Variants in CTNNA2 observed in about 807,000 individuals in gnomAD.
CTNNA2 encodes the protein catenin alpha 2.
In CTNNA2, 42 loss-of-function variants were observed where a neutral mutation model predicts 101.0. That is an observed-to-expected ratio of 0.42 (90% CI 0.32 to 0.54). The LOEUF (loss-of-function observed/expected upper bound fraction) is 0.54. Among genes scored for constraint, CTNNA2 ranks in the 20% least tolerant of loss-of-function variants. The pLI, the probability that CTNNA2 is intolerant of heterozygous loss-of-function variation, is 0.14. For missense variants in CTNNA2, 871 were observed against 1,223.1 expected (o/e 0.71, Z 4.29); for synonymous variants, 450 against 456.4 (o/e 0.99, Z 0.18).
intron 8 of CTNNA2, among the ~76,000 whole-genome samples, chr2:80,418,632 T>G (rs957053756): frequency 3.9e-5 from 6 of 152,226 alleles, no homozygotes; most frequent in African/African-American, 1.4e-4. Flanking sequence ...ACTTGAATGC[T>G]CCTGGATAGG....
At chr2:80,086,419 A>G (rs1005363041) in intron 7 of CTNNA2, among the ~76,000 whole-genome samples, 12 of 152,066 alleles carry the variant, frequency 7.9e-5, no homozygotes, top group Non-Finnish European at 1.3e-4. Flanking sequence ...AACTAATGAG[A>G]TGGTAAACTG....
chr2:80,205,650 T>C (rs538928697), intron 7 of CTNNA2, among the ~76,000 whole-genome samples: 1 of 152,336 alleles, frequency 6.6e-6, no homozygotes, highest in Admixed American at 6.5e-5. Flanking sequence ...TGGATGCTCA[T>C]GAGTTTCTTT....
chr2:79,196,000 G>A (rs1465002482), intron 1 of CTNNA2, among the ~76,000 whole-genome samples: 5 of 152,050 alleles, frequency 3.3e-5, no homozygotes, highest in African/African-American at 1.2e-4. Flanking sequence ...GCAGTGATGC[G>A]ATCTCGGCTC....
intron 4 of CTNNA2, among the ~76,000 whole-genome samples, chr2:79,434,629 T>G (rs1678694080): frequency 6.6e-6 from 1 of 151,928 alleles, no homozygotes; most frequent in Admixed American, 6.6e-5. Flanking sequence ...TGATGCCAAA[T>G]TCAAAAAGGG....
At chr2:79,704,658 A>G (rs972499042) in intron 2 of CTNNA2, among the ~76,000 whole-genome samples, 152 of 151,412 alleles carry the variant, frequency 1.0e-3, no homozygotes, top group African/African-American at 3.3e-3. Flanking sequence ...GACTACAGGC[A>G]CCCGCCACCA....
At chr2:79,652,301 C>T (rs1186661361) in intron 2 of CTNNA2, among the ~76,000 whole-genome samples, 1 of 150,444 alleles carries the variant, frequency 6.6e-6, no homozygotes, top group Non-Finnish European at 1.5e-5. Flanking sequence ...GCTGCTATAA[C>T]AAATTCCTAT....
chr2:80,387,675 C>A (rs1004219853), intron 7 of CTNNA2, among the ~76,000 whole-genome samples: 1 of 152,126 alleles, frequency 6.6e-6, no homozygotes, highest in Non-Finnish European at 1.5e-5. Context: ...AGTATCTGAT[C>A]CTTTAGCAAA....
rs551234715 is a variant in CTNNA2 at position 80,266,028 on chromosome 2, C to T, written c.1057-127183C>T. On this transcript the variant is annotated intron_variant, in intron 7 of 18. Coordinates refer to ENST00000402739, the MANE Select transcript of CTNNA2 (RefSeq NM_001282597.3). ...GTCATATTGGACTCTGTGGTCTTAT[C>T]GAGGCACTAAAAATTGAGGGCTTCA... Among the ~76,000 whole-genome samples the T allele has an allele frequency of 1.8e-4, 27 of 152,202 alleles. No individual in the cohort carries two copies. The East Asian group carries it at 3.9e-3, about 22-fold the overall frequency.
chr2:79,345,888 G>A (rs1179984039), intron 3 of CTNNA2, among the ~76,000 whole-genome samples: 1 of 145,432 alleles, frequency 6.9e-6, no homozygotes, highest in African/African-American at 2.6e-5. Flanking sequence ...TAATACAGAT[G>A]GGGGTCTCAC....
At chr2:79,683,446 C>A (rs1683722770) in intron 2 of CTNNA2, among the ~76,000 whole-genome samples, 1 of 152,172 alleles carries the variant, frequency 6.6e-6, no homozygotes, top group South Asian at 2.1e-4. Context: ...ATTTGAGATA[C>A]CAGCTTGATG....
chr2:80,194,757 C>T (rs368793145), intron 7 of CTNNA2, among the ~76,000 whole-genome samples: 1 of 149,188 alleles, frequency 6.7e-6, no homozygotes, highest in Non-Finnish European at 1.5e-5. Context: ...TAAATTAATT[C>T]TATTAATATA....
chr2:80,316,838 G>A (rs1678173261), intron 7 of CTNNA2, among the ~76,000 whole-genome samples: 1 of 152,132 alleles, frequency 6.6e-6, no homozygotes, highest in South Asian at 2.1e-4. Context: ...TAGGTCTGGG[G>A]ATACAGTGGG....
At chr2:79,756,923 G>T (rs867084394) in intron 3 of CTNNA2, among the ~76,000 whole-genome samples, 10 of 152,280 alleles carry the variant, frequency 6.6e-5, no homozygotes, top group Middle Eastern at 3.4e-3. Context: ...AATACAAACT[G>T]TTGGTGATAT....
intron 4 of CTNNA2, among the ~76,000 whole-genome samples, chr2:79,463,616 A>T (rs1452005301): frequency 3.3e-5 from 5 of 152,166 alleles, no homozygotes; most frequent in Admixed American, 6.5e-5. Context: ...TTGGCTCAAC[A>T]ATGTTGTAGA....
chr2:80,162,998 T>C lies in CTNNA2; in HGVS notation c.1057-230213T>C, dbSNP rs72926645. ...AGGCATGACTACTTCCTGATCTAAA[T>C]TGAATTTTGATAGGCCTTCCATAAA... is the stretch of plus-strand genomic sequence containing the variant. On this transcript the variant is annotated intron_variant, in intron 7 of 18. Transcript: ENST00000402739. The C allele has an allele frequency of 7.2e-4, 1,120 of 1,553,416 alleles. 9 individuals carry two copies. The African/African-American group carries it at 0.014, about 19-fold the overall frequency.
chr2:80,285,558 T>C (rs1674691906), intron 7 of CTNNA2, among the ~76,000 whole-genome samples: 1 of 152,146 alleles, frequency 6.6e-6, no homozygotes, highest in South Asian at 2.1e-4. Context: ...TTCTGGTCTT[T>C]GTACAAGGGT....
chr2:79,651,416 T>G, intron 1 of CTNNA2, 136 bp from the exon 2 acceptor site: 1 of 779,048 alleles, frequency 1.3e-6, no homozygotes, highest in Non-Finnish European at 2.1e-6. Context: ...TTTCCATCTC[T>G]AATTTGACCA....
intron 7 of CTNNA2, among the ~76,000 whole-genome samples, chr2:80,108,006 G>A (rs1281738941): frequency 6.6e-6 from 1 of 152,174 alleles, no homozygotes; most frequent in East Asian, 1.9e-4. Context: ...CACCTAGCGG[G>A]CCCAGTGCCT....
At position 80,577,359 on chromosome 2, in the gene CTNNA2, C is replaced by T. The variant is rs777736740; in HGVS notation, c.1893+3045C>T. On this transcript the variant is annotated intron_variant, in intron 13 of 18. Coordinates refer to ENST00000402739, the MANE Select transcript of CTNNA2 (RefSeq NM_001282597.3). ...TACCTGGGTGGCATTTGAGAAGATA[C>T]TGGGAGAAGGAAGAAGAAATAAGCC... Among the ~76,000 whole-genome samples, 3 of 152,102 alleles carry T rather than the reference C, an allele frequency of 2.0e-5. No individual in the cohort carries two copies. In the East Asian group the frequency reaches 5.8e-4, roughly 29 times the overall value.
Sources: gnomAD v4.1 joint callset for allele counts (sites outside exome capture counted in the v4.1 genomes callset) on GRCh38, gnomAD v4.1.1 for gene constraint, MANE v1.5 for transcripts, NCBI Gene and HGNC (gene_info 2026-07-23, HGNC 2026-07-21) for gene names.